Variants in IGFL2 observed in about 807,000 individuals in gnomAD.
The protein encoded by IGFL2 is IGF like family member 2, also known as insulin growth factor-like family member 2.
Under a neutral mutation model 13.9 loss-of-function variants are expected in IGFL2, and 7 were observed. The ratio of observed to expected loss-of-function variants is 0.51; its 90% confidence interval spans 0.29 to 0.95. IGFL2 has a LOEUF of 0.95. Among genes scored for constraint, IGFL2 ranks in the 40% least tolerant of loss-of-function variants. IGFL2 has a pLI of 0.08. For synonymous variants in IGFL2, 55 were observed against 55.8 expected (o/e 0.99, Z 0.07); for missense variants, 138 against 147.8 (o/e 0.93, Z 0.34).
chr19:46,185,775 AC>A, the IGFL2 span, among the ~76,000 whole-genome samples: 5 of 152,192 alleles, frequency 3.3e-5, no homozygotes, highest in Non-Finnish European at 7.3e-5. Flanking sequence ...TATAACCTTG[AC>A]TAAAGTTTAT....
the IGFL2 span, among the ~76,000 whole-genome samples, chr19:46,116,117 C>G: frequency 1.3e-5 from 2 of 152,164 alleles, no homozygotes; most frequent in African/African-American, 2.4e-5. Flanking sequence ...TTCTAGGGTA[C>G]ATGTGCACAA....
the IGFL2 span, among the ~76,000 whole-genome samples, chr19:46,185,441 C>G: frequency 6.6e-6 from 1 of 152,198 alleles, no homozygotes; most frequent in Non-Finnish European, 1.5e-5. Flanking sequence ...CGCCTTCACT[C>G]CTGCTCCCTT....
At chr19:46,204,522 A>G in the IGFL2 span, among the ~76,000 whole-genome samples, 4 of 152,174 alleles carry the variant, frequency 2.6e-5, no homozygotes, top group South Asian at 2.1e-4. Context: ...CAGGGTTCCC[A>G]ATAACTAGGG....
chr19:46,125,833 C>T, the IGFL2 span, among the ~76,000 whole-genome samples: 1 of 152,042 alleles, frequency 6.6e-6, no homozygotes, highest in Non-Finnish European at 1.5e-5. Context: ...TAAAAAGAAA[C>T]GTTTGAGTTT....
chr19:46,123,770 C>T, the IGFL2 span: 1 of 1,202,210 alleles, frequency 8.3e-7, no homozygotes, highest in East Asian at 2.4e-5. Flanking sequence ...CCCCTGCTGC[C>T]ACCAGCCTGA....
chr19:46,103,888 T>C, the IGFL2 span, among the ~76,000 whole-genome samples: 1 of 152,230 alleles, frequency 6.6e-6, no homozygotes, highest in East Asian at 1.9e-4. Context: ...AGAGGAGAGA[T>C]CAGGCTGTCT....
upstream of IGFL2, among the ~76,000 whole-genome samples, chr19:46,145,724 G>A (rs566817980): frequency 1.3e-4 from 20 of 151,596 alleles, no homozygotes; most frequent in Admixed American, 5.9e-4. Context: ...TTAATTTGTA[G>A]TTCCAGTATG....
the IGFL2 span, among the ~76,000 whole-genome samples, chr19:46,110,816 A>G: frequency 6.6e-6 from 1 of 152,240 alleles, no homozygotes; most frequent in Admixed American, 6.5e-5. Context: ...ACGATACATC[A>G]TGATCTTATA....
the IGFL2 span, among the ~76,000 whole-genome samples, chr19:46,175,421 A>G: frequency 1.3e-5 from 2 of 152,240 alleles, no homozygotes; most frequent in African/African-American, 4.8e-5. Flanking sequence ...GCCTCCATGC[A>G]GGGCAGGGAA....
intron 1 of IGFL2, among the ~76,000 whole-genome samples, chr19:46,157,987 C>G (rs747476998): frequency 2.6e-5 from 4 of 152,078 alleles, no homozygotes; most frequent in Non-Finnish European, 5.9e-5. Context: ...TTTCTTTATA[C>G]CAATAATGAA....
At chr19:46,088,266 C>T in the IGFL2 span, among the ~76,000 whole-genome samples, 2 of 152,212 alleles carry the variant, frequency 1.3e-5, no homozygotes, top group African/African-American at 2.4e-5. Context: ...CCCAGTGCAT[C>T]TAGTCAGCTG....
chr19:46,104,907 AT>A, the IGFL2 span, among the ~76,000 whole-genome samples: 1 of 152,174 alleles, frequency 6.6e-6, no homozygotes, highest in African/African-American at 2.4e-5. Context: ...TCCAAGAACC[AT>A]TTGCCTTGTG....
intron 1 of IGFL2, among the ~76,000 whole-genome samples, chr19:46,149,595 A>G (rs546597408): frequency 5.3e-5 from 8 of 151,838 alleles, no homozygotes; most frequent in African/African-American, 1.9e-4. Context: ...GGATTTACCT[A>G]TCTGGGACAT....
At chr19:46,146,654 C>T (rs1428378598), upstream of IGFL2, among the ~76,000 whole-genome samples, 3 of 152,076 alleles carry the variant, frequency 2.0e-5, no homozygotes. Flanking sequence ...TATATGTTCT[C>T]CTAGATTTAC....
chr19:46,140,425 C>T (rs1006304341), upstream of IGFL2, among the ~76,000 whole-genome samples: 1 of 152,098 alleles, frequency 6.6e-6, no homozygotes, highest in African/African-American at 2.4e-5. Context: ...TGCCTGTAAT[C>T]CCAAATACTC....
At chr19:46,115,910 G>A in the IGFL2 span, among the ~76,000 whole-genome samples, 1 of 152,048 alleles carries the variant, frequency 6.6e-6, no homozygotes. Context: ...CCCATCTCAG[G>A]TATACTCCAG....
chr19:46,096,710 A>G, the IGFL2 span, among the ~76,000 whole-genome samples: 1 of 152,138 alleles, frequency 6.6e-6, no homozygotes, highest in African/African-American at 2.4e-5. Context: ...TAGTTTACTG[A>G]GAGTTTTTTA....
upstream of IGFL2, among the ~76,000 whole-genome samples, chr19:46,142,787 T>C (rs1001545774): frequency 4.6e-5 from 7 of 152,216 alleles, no homozygotes; most frequent in African/African-American, 1.7e-4. Flanking sequence ...CTGCATCCTT[T>C]TGCGTGTACT....
the IGFL2 span, among the ~76,000 whole-genome samples, chr19:46,134,509 G>T: frequency 2.0e-5 from 3 of 152,280 alleles, no homozygotes; most frequent in Non-Finnish European, 4.4e-5. Context: ...GGAGCCCTGA[G>T]CTTGTTCTTC....
Sources: allele counts gnomAD v4.1 joint callset (sites outside exome capture counted in the v4.1 genomes callset), GRCh38; gene constraint gnomAD v4.1.1; transcripts MANE v1.5; gene names NCBI Gene and HGNC (gene_info 2026-07-23, HGNC 2026-07-21).